Variants in PDE11A observed in about 807,000 individuals in gnomAD.
PDE11A encodes the protein phosphodiesterase 11A.
A neutral mutation model predicts 100.5 loss-of-function variants in PDE11A; 100 were observed. The observed-to-expected ratio is 1.00, with a 90% CI of 0.85 to 1.18. The LOEUF is 1.18. Among genes scored for constraint, PDE11A ranks in the 50% most tolerant of loss-of-function variants. The pLI is 0.00. For synonymous variants in PDE11A, 381 were observed against 420.8 expected, an observed-to-expected ratio of 0.91 and a Z score of 1.16; for missense variants, 1,141 against 1,152.6, an observed-to-expected ratio of 0.99 and a Z score of 0.15.
At chr2:177,838,160 T>A (rs74686444) in intron 6 of PDE11A, among the ~76,000 whole-genome samples, 1,742 of 152,288 alleles carry the variant, frequency 0.011, 25 homozygotes, top group East Asian at 0.076. Context: ...ACCTCAGAAA[T>A]TAGAGGCAGG....
At chr2:177,757,787 A>C (rs1205250905) in intron 10 of PDE11A, among the ~76,000 whole-genome samples, 2 of 152,052 alleles carry the variant, frequency 1.3e-5, no homozygotes, top group African/African-American at 2.4e-5. Context: ...TGGGGGGATG[A>C]GGTGAAATCT....
At chr2:177,800,481 T>C (rs2105552266) in intron 9 of PDE11A, among the ~76,000 whole-genome samples, 1 of 152,312 alleles carries the variant, frequency 6.6e-6, no homozygotes, top group East Asian at 1.9e-4. Context: ...TCTAACAGTC[T>C]AATTTTAAAG....
chr2:177,998,390 C>A, intron 2 of PDE11A: 1 of 850,752 alleles, frequency 1.2e-6, no homozygotes, highest in Non-Finnish European at 2.1e-6. Context: ...CTTTTCCATC[C>A]ATGTTAAATA....
chr2:177,868,278 G>T (rs975618456), intron 5 of PDE11A, among the ~76,000 whole-genome samples: 1 of 152,130 alleles, frequency 6.6e-6, no homozygotes, highest in Non-Finnish European at 1.5e-5. Flanking sequence ...TCTCGTAGGT[G>T]CTTCTCAAAG....
chr2:177,818,290 T>A (rs1469389112), intron 7 of PDE11A, among the ~76,000 whole-genome samples: 1 of 129,130 alleles, frequency 7.7e-6, no homozygotes, highest in African/African-American at 3.3e-5. Flanking sequence ...ATATTTCAAC[T>A]GAAAATATAT....
At chr2:177,725,299 A>G (rs1465556380) in intron 12 of PDE11A, among the ~76,000 whole-genome samples, 1 of 146,878 alleles carries the variant, frequency 6.8e-6, no homozygotes, top group African/African-American at 2.5e-5. Context: ...AAGCTTGGAG[A>G]AGATACTTAC....
At chr2:177,694,670 A>G (rs1055177075) in intron 15 of PDE11A, among the ~76,000 whole-genome samples, 3 of 152,206 alleles carry the variant, frequency 2.0e-5, no homozygotes, top group Non-Finnish European at 4.4e-5. Context: ...ATTTTAAACT[A>G]ATTAAAATTA....
intron 4 of PDE11A, among the ~76,000 whole-genome samples, chr2:177,878,014 T>C (rs1213370463): frequency 6.6e-6 from 1 of 152,074 alleles, no homozygotes; most frequent in Non-Finnish European, 1.5e-5. Flanking sequence ...AAAAAAGCTT[T>C]ATCAGTGAGG....
chr2:177,842,840 T>C (rs2083512920), intron 5 of PDE11A, among the ~76,000 whole-genome samples: 1 of 151,608 alleles, frequency 6.6e-6, no homozygotes, highest in Non-Finnish European at 1.5e-5. Flanking sequence ...AGGGGAAAGA[T>C]GACAGATATT....
chr2:178,084,378 A>T (rs1022911357), intron 2 of PDE11A, among the ~76,000 whole-genome samples: 2 of 152,250 alleles, frequency 1.3e-5, no homozygotes, highest in Admixed American at 1.3e-4. Context: ...AATCTCAGTT[A>T]TCTAATTTCT....
intron 2 of PDE11A, among the ~76,000 whole-genome samples, chr2:177,957,917 T>TTTTTTTTTTTTTTTTTTTTTC (rs1559023576): frequency 6.8e-6 from 1 of 147,570 alleles, no homozygotes; most frequent in African/African-American, 2.6e-5. Context: ...TGCCTTTTTT[T>TTTTTTTTTTTTTTTTTTTTTC]TGAGACGGAG....
chr2:177,690,539 A>T (rs1007407462), intron 15 of PDE11A, among the ~76,000 whole-genome samples: 7 of 152,242 alleles, frequency 4.6e-5, no homozygotes, highest in African/African-American at 1.2e-4. Context: ...TCTAATTTTT[A>T]AAAGAATTGG....
chr2:177,681,889 A>G (rs2080871320), intron 15 of PDE11A, among the ~76,000 whole-genome samples: 1 of 152,264 alleles, frequency 6.6e-6, no homozygotes, highest in Non-Finnish European at 1.5e-5. Flanking sequence ...AAAGTATTTT[A>G]TCCCAAAATA....
chr2:177,995,279 G>A (rs1231232870), intron 2 of PDE11A, among the ~76,000 whole-genome samples: 1 of 151,958 alleles, frequency 6.6e-6, no homozygotes, highest in Non-Finnish European at 1.5e-5. Context: ...TCAGCTTACA[G>A]TCTTTTGGAA....
At chr2:177,865,297 A>G (rs1031029071) in intron 5 of PDE11A, among the ~76,000 whole-genome samples, 1 of 152,204 alleles carries the variant, frequency 6.6e-6, no homozygotes, top group African/African-American at 2.4e-5. Context: ...CCAAAAAAAC[A>G]AAAACCACAA....
At chr2:177,876,073 AGAG>A in intron 4 of PDE11A, 150 bp from the exon 5 acceptor site, 1 of 674,450 alleles carries the variant, frequency 1.5e-6, no homozygotes, top group Non-Finnish European at 2.7e-6. Flanking sequence ...ACAGAGTAGA[AGAG>A]GAGAATCCCA....
chr2:177,889,536 A>G (rs2084496350), intron 4 of PDE11A, among the ~76,000 whole-genome samples: 1 of 151,828 alleles, frequency 6.6e-6, no homozygotes, highest in South Asian at 2.1e-4. Context: ...TGCCCAGAAT[A>G]CTTAGTTTGG....
intron 2 of PDE11A, among the ~76,000 whole-genome samples, chr2:177,913,407 G>T (rs1483168626): frequency 6.6e-6 from 1 of 152,150 alleles, no homozygotes; most frequent in Non-Finnish European, 1.5e-5. Context: ...TGAGGGTTGT[G>T]TACCCTTTAA....
At chr2:177,643,143 G>A (rs533523149) in intron 19 of PDE11A, among the ~76,000 whole-genome samples, 2 of 152,288 alleles carry the variant, frequency 1.3e-5, no homozygotes, top group East Asian at 3.9e-4. Context: ...CAGTAGAGTG[G>A]GGCATTGCTG....
Sources: gnomAD v4.1 joint callset for allele counts (sites outside exome capture counted in the v4.1 genomes callset) on GRCh38, gnomAD v4.1.1 for gene constraint, MANE v1.5 for transcripts, NCBI Gene and HGNC (gene_info 2026-07-23, HGNC 2026-07-21) for gene names.